Variants in CNTNAP2 observed in about 807,000 individuals in gnomAD.
CNTNAP2 encodes the protein contactin associated protein 2.
Under a neutral mutation model 155.2 loss-of-function variants are expected in CNTNAP2, and 98 were observed. The ratio of observed to expected loss-of-function variants is 0.63; its 90% CI spans 0.54 to 0.75. CNTNAP2 has a LOEUF of 0.75. Ranked by LOEUF, CNTNAP2 falls within the 30% of genes least tolerant of loss-of-function variation. CNTNAP2 has a pLI of 0.00. For synonymous variants in CNTNAP2, 651 were observed against 631.2 expected (o/e 1.03, Z -0.47); for missense variants, 1,727 against 1,688.1 (o/e 1.02, Z -0.40).
Position 146,121,119 on chromosome 7 carries a change from C to CTTTTTTT in CNTNAP2, c.97+4167_97+4173dup, listed in dbSNP as rs745449281. Among the ~76,000 whole-genome samples, 44 of 65,778 alleles carry CTTTTTTT rather than the reference C, an allele frequency of 6.7e-4. 7 individuals are homozygous for CTTTTTTT. Among genetic ancestry groups the CTTTTTTT allele is most frequent in the African/African-American group, 1.5e-3 (28 of 19,270 alleles). The allele number at this position is 65,778 out of a possible 152,430, so 43.2% of individuals were successfully genotyped here. On this transcript the variant is annotated intron_variant, in intron 1 of 23. Transcript: ENST00000361727. ...TGTCTTAAAGTTTACATAAAGCTTC[C>CTTTTTTT]TTTTTTTTTTTTTTTTTTTTTTTTT...
chr7:147,495,329 G>A (rs1186972677), intron 11 of CNTNAP2, among the ~76,000 whole-genome samples: 3 of 152,114 alleles, frequency 2.0e-5, no homozygotes, highest in Non-Finnish European at 4.4e-5. Context: ...GTAAACCTTG[G>A]TAGCTTGAAG....
intron 1 of CNTNAP2, among the ~76,000 whole-genome samples, chr7:146,622,262 T>TCTATCTAC (rs3077438): frequency 5.9e-5 from 8 of 136,096 alleles, no homozygotes; most frequent in Non-Finnish European, 4.6e-5. Flanking sequence ...TATCTATCTA[T>TCTATCTAC]CTATCTATCT....
chr7:147,737,847 C>G (rs1796883567), intron 13 of CNTNAP2, among the ~76,000 whole-genome samples: 2 of 152,194 alleles, frequency 1.3e-5, no homozygotes, highest in African/African-American at 4.8e-5. Flanking sequence ...CCTAGTGTGC[C>G]ATTTGCTAAG....
chr7:147,017,372 T>TC (rs1584785477), intron 3 of CNTNAP2, among the ~76,000 whole-genome samples: 1 of 151,854 alleles, frequency 6.6e-6, no homozygotes, highest in East Asian at 1.9e-4. Flanking sequence ...ACTGCATTTT[T>TC]TTACTTTAGT....
At chr7:146,337,916 A>G (rs1801305820) in intron 1 of CNTNAP2, among the ~76,000 whole-genome samples, 1 of 152,250 alleles carries the variant, frequency 6.6e-6, no homozygotes, top group South Asian at 2.1e-4. Flanking sequence ...AGCCAAAGAC[A>G]GGTATTTGAT....
chr7:147,705,236 G>C (rs1203182348), intron 13 of CNTNAP2, among the ~76,000 whole-genome samples: 6 of 151,626 alleles, frequency 4.0e-5, no homozygotes, highest in Non-Finnish European at 8.8e-5. Flanking sequence ...CCATAGTTTT[G>C]GTATACTACG....
chr7:148,014,369 C>G (rs1195904497), intron 15 of CNTNAP2: 1 of 151,144 alleles, frequency 6.6e-6, no homozygotes, highest in Non-Finnish European at 1.5e-5. Context: ...TTCCAATAAA[C>G]AGCAGCCGTA....
At chr7:146,906,429 T>C (rs536702693) in intron 3 of CNTNAP2, among the ~76,000 whole-genome samples, 125 of 152,166 alleles carry the variant, frequency 8.2e-4, no homozygotes, top group African/African-American at 2.9e-3. Context: ...AGAGCAGTGG[T>C]TCTCCCAGCA....
At chr7:146,845,591 A>G (rs1803826164) in intron 3 of CNTNAP2, among the ~76,000 whole-genome samples, 1 of 152,164 alleles carries the variant, frequency 6.6e-6, no homozygotes. Flanking sequence ...AGTAATGACA[A>G]TTTTCAGAAT....
chr7:146,682,424 A>G (rs1049661321), intron 1 of CNTNAP2, among the ~76,000 whole-genome samples: 7 of 152,172 alleles, frequency 4.6e-5, no homozygotes, highest in East Asian at 3.9e-4. Context: ...AGGTTTTATC[A>G]GTGGCTTATT....
At chr7:147,638,981 C>T in intron 12 of CNTNAP2, 125 bp from the exon 13 acceptor site, 2 of 977,430 alleles carry the variant, frequency 2.0e-6, no homozygotes, top group Non-Finnish European at 3.3e-6. Context: ...GGATTGCTCT[C>T]CTTAACACTG....
intron 8 of CNTNAP2, among the ~76,000 whole-genome samples, chr7:147,177,343 C>T (rs375965918): frequency 1.3e-5 from 2 of 152,108 alleles, no homozygotes; most frequent in South Asian, 2.1e-4. Context: ...TAAGTTCTCA[C>T]GAGAGCTGAT....
At chr7:146,680,092 A>C (rs1427728567) in intron 1 of CNTNAP2, among the ~76,000 whole-genome samples, 1 of 152,190 alleles carries the variant, frequency 6.6e-6, no homozygotes, top group African/African-American at 2.4e-5. Flanking sequence ...TGTCATCATT[A>C]AATTATTAAA....
intron 15 of CNTNAP2, among the ~76,000 whole-genome samples, chr7:148,007,190 T>G (rs986996820): frequency 6.6e-6 from 1 of 152,206 alleles, no homozygotes; most frequent in Non-Finnish European, 1.5e-5. Flanking sequence ...TTGTCTTTTA[T>G]CAAGTAAACA....
At chr7:148,088,124 T>G (rs1015671831) in intron 15 of CNTNAP2, among the ~76,000 whole-genome samples, 1 of 152,028 alleles carries the variant, frequency 6.6e-6, no homozygotes. Context: ...CAGCAGCAAG[T>G]TGAATCCTTG....
Position 148,119,367 on chromosome 7 carries a change from C to CAAAA in CNTNAP2, c.2554+1089_2554+1092dup, listed in dbSNP as rs10670510. ...TGAAACCCCATCTCTACTAAAAATA[C>CAAAA]AAAAAAAAAAAAATTAGCCAGGTGT... On this transcript the variant is annotated intron_variant, in intron 16 of 23. Transcript: ENST00000361727. 2.8e-3 allele frequency among the ~76,000 whole-genome samples: 414 copies of CAAAA among 146,224 alleles called. 2 individuals carry two copies. The highest frequency in any genetic ancestry group is 9.8e-3 in the African/African-American group (391 of 39,776).
intron 13 of CNTNAP2, among the ~76,000 whole-genome samples, chr7:147,795,254 A>G (rs1797875215): frequency 6.6e-6 from 1 of 151,988 alleles, no homozygotes; most frequent in Non-Finnish European, 1.5e-5. Flanking sequence ...TCCTGTAAAC[A>G]GCAAATAGTT....
chr7:147,223,805 G>C (rs1351968408), intron 8 of CNTNAP2, among the ~76,000 whole-genome samples: 1 of 151,890 alleles, frequency 6.6e-6, no homozygotes, highest in African/African-American at 2.4e-5. Context: ...GCTGGGTGTG[G>C]TGGCACACAC....
At chr7:147,772,593 CTTTAA>C (rs1357368149) in intron 13 of CNTNAP2, among the ~76,000 whole-genome samples, 3 of 150,632 alleles carry the variant, frequency 2.0e-5, no homozygotes, top group African/African-American at 4.9e-5. Context: ...TTGACTTCTA[CTTTAA>C]TTTATCATAC....
Sources: allele counts gnomAD v4.1 joint callset (sites outside exome capture counted in the v4.1 genomes callset), GRCh38; gene constraint gnomAD v4.1.1; transcripts MANE v1.5; gene names NCBI Gene and HGNC (gene_info 2026-07-23, HGNC 2026-07-21).